Variants in NOTCH1 observed in about 807,000 individuals in gnomAD.
NOTCH1 encodes notch receptor 1.
A neutral mutation model predicts 254.8 loss-of-function variants in NOTCH1; 37 were observed. That is an observed-to-expected ratio of 0.15 (90% CI 0.11 to 0.19). The LOEUF (loss-of-function observed/expected upper bound fraction) is 0.19. Ranked by LOEUF, NOTCH1 falls within the 10% of genes least tolerant of loss-of-function variation. NOTCH1 has a pLI of 1.00. For missense variants in NOTCH1, 2,972 were observed against 3,708.6 expected, an observed-to-expected ratio of 0.80 and a Z score of 5.16; for synonymous variants, 1,731 against 1,618.1, an observed-to-expected ratio of 1.07 and a Z score of -1.68.
intron 2 of NOTCH1, among the ~76,000 whole-genome samples, chr9:136,528,487 C>CG (rs1843508612): frequency 2.8e-4 from 2 of 7,124 alleles, no homozygotes; most frequent in African/African-American, 4.7e-4. Flanking sequence ...AGGGACAGTG[C>CG]GGGGAATGGG....
chr9:136,531,602 T>C (rs1166503720), intron 2 of NOTCH1, among the ~76,000 whole-genome samples: 1 of 151,858 alleles, frequency 6.6e-6, no homozygotes, highest in Admixed American at 6.5e-5. Context: ...AGACCCAGCC[T>C]CCCGCTCCCC....
At position 136,513,133 on chromosome 9, in the gene NOTCH1, A is replaced by G. The variant is rs199719103; in HGVS notation, c.2355T>C (p.Gly785=). The G allele has an allele frequency of 2.9e-5, 47 of 1,611,260 alleles. No homozygotes were observed. Among genetic ancestry groups the G allele is most frequent in the African/African-American group, 5.4e-5 (4 of 74,662 alleles). ...YVCTCREGFS[G]PNCQTNINEC... is the part of the protein sequence containing the mutation. ...CGTTGATGTTGGTCTGGCAGTTGGG[A>G]CCTGGAGGGAAGGGGACAGCACTCG... is the stretch of plus-strand genomic sequence containing the variant. The change falls in exon 15 of 34, where the codon GGT becomes GGC. Residue 785 remains glycine (G), a splice_region_variant and synonymous_variant. Transcript: ENST00000651671. The surrounding 1 kb of genome is among the most constrained non-coding windows in gnomAD (Gnocchi z 4.7).
chr9:136,515,320 A>G lies in NOTCH1; in HGVS notation c.1984T>C (p.Tyr662His), dbSNP rs768443027. Reference sequence around the variant, plus strand: ...TAGCCCGGCTCACAGGCACACTCGTAGCCATCGATCTTGTCCAGACAGGTG... The same window carrying G: ...TAGCCCGGCTCACAGGCACACTCGTGGCCATCGATCTTGTCCAGACAGGTG... ...SGTCLDKIDG[Y>H]ECACEPGYTG... Residue 662 changes from tyrosine (Y) to histidine (H), a missense_variant, in exon 12 of 34, where the codon TAC becomes CAC. Tyr to His is a moderately conservative substitution (Grantham distance 83). Coordinates refer to ENST00000651671, the MANE Select transcript of NOTCH1 (RefSeq NM_017617.5). The G allele has an allele frequency of 6.2e-7, 1 of 1,612,980 alleles. No homozygotes were observed. Among genetic ancestry groups the G allele is most frequent in the Non-Finnish European group, 8.5e-7 (1 of 1,179,986 alleles).
chr9:136,537,211 G>A lies in NOTCH1; in HGVS notation c.140+6813C>T, dbSNP rs529551337. On this transcript the variant is annotated intron_variant, in intron 2 of 33. Coordinates refer to ENST00000651671, the MANE Select transcript of NOTCH1 (RefSeq NM_017617.5). ...TCCCAACACCTGCCTCCTCTGGACT[G>A]TCTGGGAGCTGGGATGCTGGGGTCC... Among the ~76,000 whole-genome samples the A allele has an allele frequency of 2.6e-5, 4 of 152,332 alleles. No homozygotes were observed. In the East Asian group the frequency reaches 5.8e-4, roughly 22 times the overall value.
rs11574895 is a variant in NOTCH1 at position 136,510,702 on chromosome 9, G to A, written c.2691C>T (p.Ala897=). 0.016 allele frequency: 25,401 copies of A among 1,610,306 alleles called. 218 individuals carry two copies. Among genetic ancestry groups the A allele is most frequent in the Non-Finnish European group, 0.019 (22,476 of 1,179,726 alleles). Residue 897 remains alanine (A), a synonymous_variant, in exon 17 of 34, where the codon GCC becomes GCT. Transcript: ENST00000651671. ...THGGYRCHCQ[A]GYSGRNCETD... ...TCTCGCAGTTGCGCCCACTGTAGCC[G>A]GCCTGGCAGTGGCAGCGGTAGCCGC...
intron 3 of NOTCH1, 24 bp from the exon 4 acceptor site, chr9:136,523,212 T>A (rs1843402941): frequency 1.9e-6 from 3 of 1,574,248 alleles, no homozygotes; most frequent in Non-Finnish European, 2.6e-6. Context: ...GACAAGAGGG[T>A]CGTGCTGGCC....
chr9:136,500,525 G>A (rs756661001), intron 31 of NOTCH1, 27 bp downstream of exon 31: 7 of 1,607,500 alleles, frequency 4.4e-6, no homozygotes, highest in East Asian at 2.2e-5. Flanking sequence ...AGGAGGGCAG[G>A]TGGGCACACA....
intron 2 of NOTCH1, among the ~76,000 whole-genome samples, chr9:136,538,577 C>T (rs538512101): frequency 2.0e-5 from 3 of 152,360 alleles, no homozygotes; most frequent in African/African-American, 7.2e-5. Flanking sequence ...GGTGTGATGC[C>T]CCAAAGCCAG....
At chr9:136,530,379 T>C (rs918430923) in intron 2 of NOTCH1, among the ~76,000 whole-genome samples, 2 of 152,164 alleles carry the variant, frequency 1.3e-5, no homozygotes, top group Non-Finnish European at 2.9e-5. Flanking sequence ...ACAGAACCTG[T>C]CCTCCCGGGA....
In NOTCH1 at chr9:136,495,960, TAA is replaced by T. The variant is rs1439690019; in HGVS notation, c.*109_*110del. On this transcript the variant is annotated 3_prime_UTR_variant, in exon 34 of 34. Coordinates refer to ENST00000651671, the MANE Select transcript of NOTCH1 (RefSeq NM_017617.5). ...TTAAAATCCTCGTTCTTATTTTGTA[TAA>T]AAACATGTGTTTTAAAAAGGCTCCT... 1.1e-5 allele frequency: 13 copies of T among 1,160,580 alleles called. No homozygotes were observed. Among genetic ancestry groups the T allele is most frequent in the Non-Finnish European group, 1.4e-5 (12 of 838,538 alleles). 71.9% of individuals were successfully genotyped at this position (1,160,580 alleles called of 1,614,324 possible). A position where few individuals can be genotyped will look rare whatever the true frequency, so the allele number is the denominator to read the frequency against.
At chr9:136,500,072 C>A (rs922930214) in intron 31 of NOTCH1, among the ~76,000 whole-genome samples, 2 of 152,190 alleles carry the variant, frequency 1.3e-5, no homozygotes, top group Non-Finnish European at 2.9e-5. Flanking sequence ...CCCAGGCATC[C>A]AAATCCCTAA....
intron 1 of NOTCH1, among the ~76,000 whole-genome samples, chr9:136,544,812 T>C (rs565214959): frequency 6.6e-6 from 1 of 151,682 alleles, no homozygotes; most frequent in African/African-American, 2.4e-5. Context: ...AGGAGGGGGA[T>C]GAAGGTCCCC....
rs1409877762 is a variant in NOTCH1 at position 136,505,520 on chromosome 9, C to T, written c.4376G>A (p.Gly1459Asp). 1.2e-6 allele frequency: 2 copies of T among 1,612,520 alleles called. No individual in the cohort carries two copies. The highest frequency in any genetic ancestry group is 1.3e-5 in the African/African-American group (1 of 75,068). Residue 1459 changes from glycine to aspartate, a missense_variant, in exon 25 of 34, where the codon GGC (glycine) becomes GAC (aspartate). Gly to Asp is a moderately conservative substitution (Grantham distance 94). Coordinates refer to ENST00000651671, the MANE Select transcript of NOTCH1 (RefSeq NM_017617.5). ...GCACTGCAGGCTGCAGACCTTGTTGCCCGCGTCCTCCTGGCACTCGGGCAG... is the reference window on the plus strand; with the variant it reads ...GCACTGCAGGCTGCAGACCTTGTTGTCCGCGTCCTCCTGGCACTCGGGCAG... ...CELPECQEDA[G>D]NKVCSLQCNN...
At chr9:136,504,509 G>C (rs572189793) in intron 26 of NOTCH1, among the ~76,000 whole-genome samples, 164 bp downstream of exon 26, 1 of 152,374 alleles carries the variant, frequency 6.6e-6, no homozygotes, top group East Asian at 1.9e-4. Context: ...CTCCTTGCCT[G>C]CGCAGGCCCT....
Position 136,545,905 on chromosome 9 carries a change from T to G in NOTCH1, c.-119A>C. 4.6e-5 allele frequency: 16 copies of G among 348,852 alleles called. No homozygotes were observed. The highest frequency in any genetic ancestry group is 6.5e-5 in the Non-Finnish European group (15 of 229,374). 21.6% of individuals were successfully genotyped at this position (348,852 alleles called of 1,614,324 possible). On this transcript the variant is annotated 5_prime_UTR_variant, in exon 1 of 34. Coordinates refer to ENST00000651671, the MANE Select transcript of NOTCH1 (RefSeq NM_017617.5). The surrounding 1 kb of genome is among the most constrained non-coding windows in gnomAD (Gnocchi z 6.8). Reference sequence around the variant, plus strand: ...CGGCGGCGGACGGTCCCGCCCTCTCTTCCCCGGCTGGCTGGCGGCGCTGTG... The same window carrying G: ...CGGCGGCGGACGGTCCCGCCCTCTCGTCCCCGGCTGGCTGGCGGCGCTGTG...
chr9:136,530,770 G>A (rs1843546822), intron 2 of NOTCH1, among the ~76,000 whole-genome samples: 2 of 152,238 alleles, frequency 1.3e-5, no homozygotes, highest in Admixed American at 6.5e-5. Context: ...AGATGGTCAT[G>A]ACACGCCGGG....
rs773723760 is a variant in NOTCH1, at chr9:136,523,197, A to G, written c.404-9T>C. On this transcript the variant is annotated splice_polypyrimidine_tract_variant and intron_variant, in intron 3 of 33. Transcript: ENST00000651671. ...CTGCTGGCACGATTTCCCTGGAGACAAGGGGACAAGAGGGTCGTGCTGGCC... is the reference window on the plus strand; with the variant it reads ...CTGCTGGCACGATTTCCCTGGAGACGAGGGGACAAGAGGGTCGTGCTGGCC... 1.3e-6 allele frequency: 2 copies of G among 1,592,784 alleles called. No homozygotes were observed. Among genetic ancestry groups the G allele is most frequent in the Non-Finnish European group, 1.7e-6 (2 of 1,170,922 alleles).
Position 136,502,011 on chromosome 9 carries a change from T to C in NOTCH1, c.5462A>G (p.Lys1821Arg), listed in dbSNP as rs1843004869. The change falls in exon 29 of 34, where the codon AAG becomes AGG. Residue 1821 changes from lysine to arginine, a missense_variant. Physicochemically the swap from Lys to Arg is conservative, Grantham distance 26. Transcript: ENST00000651671. ...AGCCTCGCGACTCACCCGGAACTTC[T>C]TGGTCTCCAGGTCCTCGTCCCCCCA... The part of the protein sequence containing the change: ...NEWGDEDLET[K>R]KFRFEEPVVL... 6.2e-7 allele frequency: 1 copy of C among 1,613,062 alleles called. No individual in the cohort carries two copies. The highest frequency in any genetic ancestry group is 1.3e-5 in the African/African-American group (1 of 75,022).
At position 136,499,053 on chromosome 9, in the gene NOTCH1, C is replaced by T. The variant is rs1842958466; in HGVS notation, c.6083-57G>A. 4 of 1,612,640 alleles carry T rather than the reference C, an allele frequency of 2.5e-6. No individual in the cohort carries two copies. In the South Asian group the frequency reaches 4.4e-5, roughly 18 times the overall value. ...AGACCAGCTGGAGGCAACCCAGTCC[C>T]ACCCGTCCCTGTGGCGGTCCCGCCC... On this transcript the variant is annotated intron_variant, in intron 32 of 33. Coordinates refer to ENST00000651671, the MANE Select transcript of NOTCH1 (RefSeq NM_017617.5).
Sources: gnomAD v4.1 joint callset for allele counts (sites outside exome capture counted in the v4.1 genomes callset) on GRCh38, gnomAD v4.1.1 for gene constraint, Gnocchi (gnomAD v3.1) non-coding constraint, MANE v1.5 for transcripts, NCBI Gene and HGNC (gene_info 2026-07-23, HGNC 2026-07-21) for gene names.